The following SNAP23 variants were observed in gnomAD, a reference collection of about 807,000 sequenced individuals.
SNAP23 encodes the protein synaptosome associated protein 23.
A neutral mutation model predicts 29.0 loss-of-function variants in SNAP23; 11 were observed. That is an observed-to-expected ratio of 0.38 (90% CI 0.24 to 0.63). The LOEUF (loss-of-function observed/expected upper bound fraction) is 0.63, where lower values mean the gene tolerates loss of function less well. Ranked by LOEUF, SNAP23 falls within the 20% of genes least tolerant of loss-of-function variation. SNAP23 has a pLI of 0.58. For synonymous variants in SNAP23, 60 were observed against 82.9 expected, an observed-to-expected ratio of 0.72 and a Z score of 1.50; for missense variants, 220 against 253.9, an observed-to-expected ratio of 0.87 and a Z score of 0.91.
Position 42,529,667 on chromosome 15 carries a change from T to G in SNAP23, c.426-8T>G. 6.2e-7 allele frequency: 1 copy of G among 1,612,268 alleles called. No individual in the cohort carries two copies. The highest frequency in any genetic ancestry group is 8.5e-7 in the Non-Finnish European group (1 of 1,179,462). On this transcript the variant is annotated splice_region_variant and splice_polypyrimidine_tract_variant and intron_variant, in intron 6 of 7. Transcript: ENST00000249647. Reference sequence around the variant, plus strand: ...AAACCTATGGAATTAACTGTCTTCTTGTGATAGCATAACTAATGATGCCAG... The same window carrying G: ...AAACCTATGGAATTAACTGTCTTCTGGTGATAGCATAACTAATGATGCCAG...
intron 1 of SNAP23, among the ~76,000 whole-genome samples, chr15:42,497,970 C>T (rs919810706): frequency 2.6e-5 from 4 of 152,194 alleles, no homozygotes; most frequent in Admixed American, 1.3e-4. Flanking sequence ...ATTTTAATCT[C>T]CTTAGACTCC....
chr15:42,498,095 T>C (rs1454172366), intron 1 of SNAP23, among the ~76,000 whole-genome samples: 1 of 152,194 alleles, frequency 6.6e-6, no homozygotes, highest in Non-Finnish European at 1.5e-5. Flanking sequence ...TGGGCTGGCA[T>C]TGAGTGCCTG....
rs745759871 is a variant in SNAP23, at chr15:42,528,363, C to G, written c.368C>G (p.Thr123Arg). The change falls in exon 6 of 8, where the codon ACA becomes AGA. Residue 123 changes from threonine to arginine, a missense_variant. Physicochemically the swap from Thr to Arg is moderately conservative, Grantham distance 71 (BLOSUM62 -1). Coordinates refer to ENST00000249647, the MANE Select transcript of SNAP23 (RefSeq NM_003825.4). ...GTATCTAAACAGCCAGGCCCGGTGA[C>G]AAATGGTCAGCTTCAGCAACCAACA... Reference protein sequence around the residue: ...NVVSKQPGPVTNGQLQQPTTG... With the variant: ...NVVSKQPGPVRNGQLQQPTTG... 2 of 1,614,114 alleles carry G rather than the reference C, an allele frequency of 1.2e-6. No individual in the cohort carries two copies. Among genetic ancestry groups the G allele is most frequent in the Non-Finnish European group, 1.7e-6 (2 of 1,180,008 alleles).
upstream of SNAP23, among the ~76,000 whole-genome samples, chr15:42,494,598 C>A (rs1334509415): frequency 1.3e-5 from 2 of 151,420 alleles, no homozygotes; most frequent in African/African-American, 2.4e-5. Flanking sequence ...CCACTGCAAC[C>A]TCCGCCTCCC....
intron 1 of SNAP23, among the ~76,000 whole-genome samples, chr15:42,501,031 G>A (rs1370213802): frequency 1.3e-5 from 2 of 152,028 alleles, no homozygotes; most frequent in East Asian, 1.9e-4. Flanking sequence ...AATTACTTTC[G>A]ATGGCCTTTC....
chr15:42,532,657 CA>C lies in SNAP23; in HGVS notation c.*1182del, dbSNP rs1281345550. 1 of 152,514 alleles carries C rather than the reference CA, an allele frequency of 6.6e-6. No homozygotes were observed. The highest frequency in any genetic ancestry group is 2.4e-5 in the African/African-American group (1 of 41,394). 9.4% of individuals were successfully genotyped at this position (152,514 alleles called of 1,614,324 possible). A position where few individuals can be genotyped will look rare whatever the true frequency, so the allele number is the denominator to read the frequency against. ...CTTAAAATTTTTTGGAAAAGTTTGA[CA>C]AAGCATACCACATGAATTCAGATTT... On this transcript the variant is annotated 3_prime_UTR_variant, in exon 8 of 8. Coordinates refer to ENST00000249647, the MANE Select transcript of SNAP23 (RefSeq NM_003825.4).
In SNAP23 at chr15:42,528,287, G is replaced by T. The variant is rs756726088; in HGVS notation, c.292G>T (p.Ala98Ser). The T allele has an allele frequency of 1.5e-5, 25 of 1,614,038 alleles. No individual in the cohort carries two copies. The highest frequency in any genetic ancestry group is 3.3e-4 in the Middle Eastern group (2 of 6,062). The change falls in exon 6 of 8, where the codon GCT becomes TCT. Residue 98 changes from alanine (A) to serine (S), a missense_variant. Ala to Ser is a moderately conservative substitution (Grantham distance 99). Transcript: ENST00000249647. ...AACAAAGAACTTTGAGTCTGGCAAGGCTTATAAGACAACATGGGGAGATGG... is the reference window on the plus strand; with the variant it reads ...AACAAAGAACTTTGAGTCTGGCAAGTCTTATAAGACAACATGGGGAGATGG... ...NRTKNFESGK[A>S]YKTTWGDGGE...
Position 42,532,117 on chromosome 15 carries a change from A to C in SNAP23, c.*639A>C, listed in dbSNP as rs2057571297. 6.6e-6 allele frequency: 1 copy of C among 150,866 alleles called. No individual in the cohort carries two copies. The highest frequency in any genetic ancestry group is 2.4e-5 in the African/African-American group (1 of 40,954). 9.3% of individuals were successfully genotyped at this position (150,866 alleles called of 1,614,324 possible). On this transcript the variant is annotated 3_prime_UTR_variant, in exon 8 of 8. Coordinates refer to ENST00000249647, the MANE Select transcript of SNAP23 (RefSeq NM_003825.4). ...TTCTTTTTTTTTTTTTTGGAGTCAG[A>C]GTCTCGCTCTCTTGTCCAGGCTGGA...
chr15:42,506,404 T>A (rs1411683639), intron 1 of SNAP23, among the ~76,000 whole-genome samples: 1 of 152,136 alleles, frequency 6.6e-6, no homozygotes, highest in Non-Finnish European at 1.5e-5. Flanking sequence ...CACCTGGCTA[T>A]TTTTGTTGTT....
chr15:42,522,527 C>T (rs2057457265), intron 5 of SNAP23, among the ~76,000 whole-genome samples: 1 of 151,330 alleles, frequency 6.6e-6, no homozygotes, highest in East Asian at 1.9e-4. Context: ...CCTTTGTTTC[C>T]TGCCCTCCTT....
Position 42,528,412 on chromosome 15 carries a change from C to A in SNAP23, c.417C>A (p.Tyr139Ter). The A allele has an allele frequency of 6.2e-7, 1 of 1,614,076 alleles. No individual in the cohort carries two copies. The highest frequency in any genetic ancestry group is 8.5e-7 in the Non-Finnish European group (1 of 1,179,986). ...CAACGGGAGCAGCCAGTGGTGGATA[C>A]ATTAAACGGTATGCCAACTCCTCCT... is the stretch of plus-strand genomic sequence containing the variant. The part of the protein sequence containing the change: ...QPTTGAASGG[Y>*]IKRITNDARE... The change falls in exon 6 of 8, where the codon TAC (tyrosine) becomes TAA (stop). Residue 139 changes from tyrosine (Y) to a stop codon, truncating the protein, a stop_gained. Coordinates refer to ENST00000249647, the MANE Select transcript of SNAP23 (RefSeq NM_003825.4). LOFTEE classifies it high-confidence loss of function.
At chr15:42,496,365 T>C (rs1300902287) in intron 1 of SNAP23, among the ~76,000 whole-genome samples, 1 of 152,172 alleles carries the variant, frequency 6.6e-6, no homozygotes, top group East Asian at 1.9e-4. Context: ...TTTTGCCTTT[T>C]GCTATTTGTC....
chr15:42,532,486 T>C lies in SNAP23; in HGVS notation c.*1008T>C, dbSNP rs372744266. ...TATTGCACCATTCAGGAACACTTTA[T>C]ATAAATGAGTGGCTTTTTATTTCAT... On this transcript the variant is annotated 3_prime_UTR_variant, in exon 8 of 8. Transcript: ENST00000249647. The C allele has an allele frequency of 2.0e-5, 3 of 152,392 alleles. No homozygotes were observed. The highest frequency in any genetic ancestry group is 3.8e-4 in the East Asian group (2 of 5,206). The allele number at this position is 152,392 out of a possible 1,614,324, so 9.4% of individuals were successfully genotyped here. A position where few individuals can be genotyped will look rare whatever the true frequency, so the allele number is the denominator to read the frequency against.
intron 5 of SNAP23, among the ~76,000 whole-genome samples, chr15:42,522,326 T>C (rs1396586067): frequency 6.6e-6 from 1 of 152,186 alleles, no homozygotes; most frequent in Non-Finnish European, 1.5e-5. Context: ...ATTCTATAAT[T>C]CCTGTTACAT....
chr15:42,511,772 C>G, intron 1 of SNAP23, 61 bp from the exon 2 acceptor site: 1 of 1,042,176 alleles, frequency 9.6e-7, no homozygotes, highest in Non-Finnish European at 1.4e-6. Context: ...TTTGCTCACA[C>G]AAACTTTTAT....
intron 1 of SNAP23, among the ~76,000 whole-genome samples, chr15:42,510,858 A>G (rs1595520677): frequency 2.0e-5 from 3 of 152,244 alleles, no homozygotes; most frequent in African/African-American, 7.2e-5. Flanking sequence ...TCTACCTACT[A>G]GATGCCATTA....
intron 5 of SNAP23, among the ~76,000 whole-genome samples, chr15:42,523,343 A>C (rs1284633445): frequency 2.6e-5 from 4 of 152,184 alleles, no homozygotes; most frequent in African/African-American, 9.6e-5. Context: ...GGGGCTGTAC[A>C]TTTTATTTTC....
At chr15:42,498,560 G>A (rs994888574) in intron 1 of SNAP23, among the ~76,000 whole-genome samples, 1 of 152,192 alleles carries the variant, frequency 6.6e-6, no homozygotes, top group Non-Finnish European at 1.5e-5. Context: ...CTAGGCCTCA[G>A]GTCTTGTGAT....
intron 4 of SNAP23, 62 bp downstream of exon 4, chr15:42,513,509 T>G: frequency 3.0e-6 from 4 of 1,349,484 alleles, no homozygotes; most frequent in Non-Finnish European, 4.3e-6. Flanking sequence ...CCCTATCAAA[T>G]TAGCCACATA....
Sources: allele counts gnomAD v4.1 joint callset (sites outside exome capture counted in the v4.1 genomes callset), GRCh38; gene constraint gnomAD v4.1.1; transcripts MANE v1.5; gene names NCBI Gene and HGNC (gene_info 2026-07-23, HGNC 2026-07-21).